Variants in FAM219A observed in about 807,000 individuals in gnomAD.
FAM219A encodes the protein family with sequence similarity 219 member A.
FAM219A carries 7 observed loss-of-function variants against 23.4 expected under a neutral mutation model. That is an observed-to-expected ratio of 0.30 (90% confidence interval 0.17 to 0.56). The LOEUF (loss-of-function observed/expected upper bound fraction) is 0.56, where lower values mean the gene tolerates loss of function less well. Ranked by LOEUF, FAM219A falls within the 20% of genes least tolerant of loss-of-function variation. The pLI, the probability that FAM219A is intolerant of heterozygous loss-of-function variation, is 0.92. For missense variants in FAM219A, 166 were observed against 246.9 expected (o/e 0.67, Z 2.20); for synonymous variants, 93 against 99.0 (o/e 0.94, Z 0.36).
intron 1 of FAM219A, among the ~76,000 whole-genome samples, chr9:34,442,499 A>T (rs572333547): frequency 1.3e-3 from 194 of 152,304 alleles, no homozygotes; most frequent in African/African-American, 4.4e-3. Flanking sequence ...AGCCTGGAAA[A>T]CATGGCAAAA....
intron 1 of FAM219A, among the ~76,000 whole-genome samples, chr9:34,411,954 A>C (rs1327612747): frequency 6.6e-6 from 1 of 152,206 alleles, no homozygotes; most frequent in African/African-American, 2.4e-5. Context: ...ATTTTGCTAT[A>C]GTTGAAGCTC....
At chr9:34,410,508 C>T (rs1315273471) in intron 1 of FAM219A, among the ~76,000 whole-genome samples, 1 of 152,068 alleles carries the variant, frequency 6.6e-6, no homozygotes, top group Non-Finnish European at 1.5e-5. Context: ...CTCTAGGTGG[C>T]AAAAAATAAA....
rs770336544 is a variant in FAM219A at position 34,421,044 on chromosome 9, G to GAGAGAC, written c.61-15081_61-15080insGTCTCT. Among the ~76,000 whole-genome samples, 353 of 146,930 alleles carry GAGAGAC rather than the reference G, an allele frequency of 2.4e-3. 2 individuals are homozygous for GAGAGAC. The highest frequency in any genetic ancestry group is 4.8e-3 in the East Asian group (24 of 5,026). ...AGAGAGAGAGAGAGAGAGAGAGAGA[G>GAGAGAC]AATGGCTCTGCTGAAACAAATTTTG... is the stretch of plus-strand genomic sequence containing the variant. On this transcript the variant is annotated intron_variant, in intron 1 of 5. Transcript: ENST00000651358.
intron 1 of FAM219A, among the ~76,000 whole-genome samples, chr9:34,410,699 C>A (rs10972097): frequency 6.6e-6 from 1 of 151,268 alleles, no homozygotes; most frequent in South Asian, 2.1e-4. Context: ...CAAGGGGATG[C>A]TCTGACTAAA....
intron 1 of FAM219A, among the ~76,000 whole-genome samples, chr9:34,416,254 AGAAAG>A (rs1822016119): frequency 2.2e-5 from 2 of 90,266 alleles, no homozygotes; most frequent in South Asian, 4.7e-4. Flanking sequence ...AAAGAAAGAA[AGAAAG>A]GGGGAGGGAG....
intron 1 of FAM219A, among the ~76,000 whole-genome samples, chr9:34,452,537 T>C (rs1359184603): frequency 1.3e-5 from 2 of 152,228 alleles, no homozygotes; most frequent in East Asian, 3.8e-4. Context: ...TCCCATCGTG[T>C]TTCTCTGCTT....
Position 34,458,472 on chromosome 9 carries a change from T to C in FAM219A, c.-209A>G, listed in dbSNP as rs563026325. 176 of 383,128 alleles carry C rather than the reference T, an allele frequency of 4.6e-4. 1 individual carries two copies. Among genetic ancestry groups the C allele is most frequent in the Non-Finnish European group, 6.5e-4 (140 of 215,192 alleles). The allele number at this position is 383,128 out of a possible 1,614,324, so 23.7% of individuals were successfully genotyped here. On this transcript the variant is annotated 5_prime_UTR_variant, in exon 1 of 6. Coordinates refer to ENST00000651358, the MANE Select transcript of FAM219A (RefSeq NM_001184940.2). The surrounding 1 kb of genome is among the most constrained non-coding windows in gnomAD (Gnocchi z 6.6). Reference sequence around the variant, plus strand: ...GCCGGCGTGACTCCGTGGGCTTGCCTAGCACTACCGCGGCTGTGGCCGGGC... The same window carrying C: ...GCCGGCGTGACTCCGTGGGCTTGCCCAGCACTACCGCGGCTGTGGCCGGGC...
chr9:34,406,908 T>G (rs1257087429), intron 1 of FAM219A, among the ~76,000 whole-genome samples: 1 of 150,040 alleles, frequency 6.7e-6, no homozygotes, highest in Admixed American at 6.7e-5. Flanking sequence ...TTTCAAGCAA[T>G]TCTCCTGCCT....
intron 2 of FAM219A, among the ~76,000 whole-genome samples, chr9:34,403,267 G>A (rs1053167028): frequency 2.6e-5 from 4 of 152,134 alleles, no homozygotes; most frequent in African/African-American, 9.7e-5. Flanking sequence ...AGAGAGGTCA[G>A]GTTAGAGAAG....
intron 1 of FAM219A, among the ~76,000 whole-genome samples, chr9:34,412,232 C>A (rs772042369): frequency 2.6e-5 from 4 of 151,938 alleles, no homozygotes; most frequent in African/African-American, 4.8e-5. Context: ...ATAATAGGGG[C>A]CTGAACCAAG....
At chr9:34,437,083 G>A (rs963939960) in intron 1 of FAM219A, among the ~76,000 whole-genome samples, 13 of 152,196 alleles carry the variant, frequency 8.5e-5, no homozygotes, top group East Asian at 1.9e-4. Flanking sequence ...AGCAAGAGGC[G>A]TTGCCCTCTT....
At chr9:34,444,164 G>A (rs1161620531) in intron 1 of FAM219A, among the ~76,000 whole-genome samples, 1 of 152,210 alleles carries the variant, frequency 6.6e-6, no homozygotes, top group Non-Finnish European at 1.5e-5. Flanking sequence ...AACAGCTTTG[G>A]CATTCATAGG....
At chr9:34,410,167 C>T (rs3931574) in intron 1 of FAM219A, among the ~76,000 whole-genome samples, 18,985 of 152,122 alleles carry the variant, frequency 0.12, 1,562 homozygotes, top group Non-Finnish European at 0.18. Flanking sequence ...TGCTCCATTC[C>T]TGCAGGCCCA....
intron 1 of FAM219A, among the ~76,000 whole-genome samples, chr9:34,446,830 T>C (rs184679146): frequency 5.6e-4 from 86 of 152,342 alleles, no homozygotes; most frequent in African/African-American, 2.0e-3. Context: ...ATCTCTTGAA[T>C]GATGATATCA....
chr9:34,405,176 A>G (rs1821589543), intron 2 of FAM219A, among the ~76,000 whole-genome samples: 1 of 152,258 alleles, frequency 6.6e-6, no homozygotes, highest in African/African-American at 2.4e-5. Context: ...GCCATGAGAC[A>G]GTGAAACTTT....
At chr9:34,413,843 C>A (rs1821908826) in intron 1 of FAM219A, among the ~76,000 whole-genome samples, 1 of 152,114 alleles carries the variant, frequency 6.6e-6, no homozygotes, top group Admixed American at 6.6e-5. Flanking sequence ...AATGGGAAGT[C>A]AGGGAAGGTG....
Position 34,406,011 on chromosome 9 carries a change from C to G in FAM219A, c.61-47G>C, listed in dbSNP as rs1563998773. 1.9e-6 allele frequency: 3 copies of G among 1,540,036 alleles called. No homozygotes were observed. In the South Asian group the frequency reaches 3.6e-5, roughly 19 times the overall value. ...ACAGAGAGTTGTTAGGGAGTGAAGA[C>G]AGGGGGCTGCTCTCAGTCCTGAAGC... On this transcript the variant is annotated intron_variant, in intron 1 of 5. Coordinates refer to ENST00000651358, the MANE Select transcript of FAM219A (RefSeq NM_001184940.2).
rs940861822 is a variant in FAM219A, at chr9:34,412,800, A to G, written c.61-6836T>C. On this transcript the variant is annotated intron_variant, in intron 1 of 5. Transcript: ENST00000651358. The stretch of plus-strand genomic sequence containing the variant: ...GATAAAGACAAAATTTAGAAATAAG[A>G]AAGTCATAGGTAGTCTCAGTGAACA... Among the ~76,000 whole-genome samples, 7 of 152,204 alleles carry G rather than the reference A, an allele frequency of 4.6e-5. No homozygotes were observed. In the East Asian group the frequency reaches 1.3e-3, roughly 29 times the overall value.
At chr9:34,411,848 C>A (rs12004933) in intron 1 of FAM219A, among the ~76,000 whole-genome samples, 3,818 of 152,046 alleles carry the variant, frequency 0.025, 172 homozygotes, top group African/African-American at 0.088. Context: ...ATTAGGTCAC[C>A]AATTAGTTTA....
Sources: allele counts gnomAD v4.1 joint callset (sites outside exome capture counted in the v4.1 genomes callset), GRCh38; gene constraint gnomAD v4.1.1; non-coding constraint Gnocchi (gnomAD v3.1); transcripts MANE v1.5; gene names NCBI Gene and HGNC (gene_info 2026-07-23, HGNC 2026-07-21).